Variants in SHISA6 observed in about 807,000 individuals in gnomAD.
SHISA6 encodes protein shisa-6.
SHISA6 carries 22 observed loss-of-function variants against 47.9 expected under a neutral mutation model. The observed-to-expected ratio is 0.46, with a 90% confidence interval of 0.33 to 0.66. The LOEUF (loss-of-function observed/expected upper bound fraction) is 0.66. Ranked by LOEUF, SHISA6 falls within the 30% of genes least tolerant of loss-of-function variation. The pLI is 0.02. For synonymous variants in SHISA6, 388 were observed against 337.8 expected, an observed-to-expected ratio of 1.15 and a Z score of -1.63; for missense variants, 680 against 764.6, an observed-to-expected ratio of 0.89 and a Z score of 1.30.
At chr17:11,331,105 C>T (rs1911091270) in intron 2 of SHISA6, among the ~76,000 whole-genome samples, 2 of 152,170 alleles carry the variant, frequency 1.3e-5, no homozygotes, top group African/African-American at 2.4e-5. Context: ...GAAACATCTG[C>T]GCAGTAACTC....
chr17:11,357,007 C>G (rs1243703157), intron 2 of SHISA6, among the ~76,000 whole-genome samples: 2 of 151,806 alleles, frequency 1.3e-5, no homozygotes, highest in African/African-American at 4.8e-5. Context: ...CCTGTCTGTA[C>G]TTAAAATACA....
chr17:11,485,923 A>G (rs553508579), intron 3 of SHISA6, among the ~76,000 whole-genome samples: 1 of 152,088 alleles, frequency 6.6e-6, no homozygotes, highest in Non-Finnish European at 1.5e-5. Context: ...TGCGACCATT[A>G]TGGAAATCTG....
chr17:11,417,445 C>T (rs1237591320), intron 3 of SHISA6, among the ~76,000 whole-genome samples: 2 of 152,156 alleles, frequency 1.3e-5, no homozygotes, highest in Non-Finnish European at 2.9e-5. Flanking sequence ...CGATAACCAG[C>T]TAGATGGTGT....
intron 2 of SHISA6, among the ~76,000 whole-genome samples, chr17:11,325,205 C>T (rs577462108): frequency 1.0e-3 from 158 of 152,274 alleles, no homozygotes; most frequent in African/African-American, 3.7e-3. Context: ...GGAGCAGGAG[C>T]AGGGATGCTG....
In SHISA6 at chr17:11,241,244, C is replaced by G. The variant is rs1284121370; in HGVS notation, c.-179C>G. On this transcript the variant is annotated 5_prime_UTR_variant, in exon 1 of 6. Coordinates refer to ENST00000441885, the MANE Select transcript of SHISA6 (RefSeq NM_207386.4). The surrounding 1 kb of genome is among the most constrained non-coding windows in gnomAD (Gnocchi z 5.5). Reference sequence around the variant, plus strand: ...CCGAGCAGCCCGCGCCGGGCCGGTCCGTGCGCACCGCGCGCCGCCGCCGCC... The same window carrying G: ...CCGAGCAGCCCGCGCCGGGCCGGTCGGTGCGCACCGCGCGCCGCCGCCGCC... 5.6e-6 allele frequency: 1 copy of G among 177,824 alleles called. No homozygotes were observed. Among genetic ancestry groups the G allele is most frequent in the Non-Finnish European group, 1.1e-5 (1 of 95,046 alleles). The allele number at this position is 177,824 out of a possible 1,614,324, so 11.0% of individuals were successfully genotyped here.
intron 3 of SHISA6, among the ~76,000 whole-genome samples, chr17:11,547,427 C>A (rs1234816218): frequency 1.3e-5 from 2 of 152,028 alleles, no homozygotes; most frequent in Non-Finnish European, 2.9e-5. Flanking sequence ...ACAAACAAAC[C>A]CAAACATTTT....
At chr17:11,459,235 A>G (rs1915639705) in intron 3 of SHISA6, among the ~76,000 whole-genome samples, 1 of 151,642 alleles carries the variant, frequency 6.6e-6, no homozygotes, top group Admixed American at 6.6e-5. Context: ...AAAAAAAAAA[A>G]AGACATTATG....
intron 3 of SHISA6, among the ~76,000 whole-genome samples, chr17:11,508,554 C>A (rs1412452990): frequency 3.1e-5 from 4 of 128,080 alleles, no homozygotes; most frequent in Non-Finnish European, 6.6e-5. Context: ...CCCTCCTCTC[C>A]CCTCCCCTCC....
chr17:11,246,938 T>C (rs993816657), intron 1 of SHISA6, among the ~76,000 whole-genome samples: 10 of 152,188 alleles, frequency 6.6e-5, no homozygotes, highest in Non-Finnish European at 5.9e-5. Flanking sequence ...ACTGTCTTCA[T>C]GTCCCTTCCT....
intron 3 of SHISA6, among the ~76,000 whole-genome samples, chr17:11,420,289 G>A (rs1567601103): frequency 6.6e-6 from 1 of 152,146 alleles, no homozygotes; most frequent in Non-Finnish European, 1.5e-5. Context: ...ACATTAAAGA[G>A]GCCATCAATC....
chr17:11,337,476 G>A (rs1177540776), intron 2 of SHISA6, among the ~76,000 whole-genome samples: 2 of 152,220 alleles, frequency 1.3e-5, no homozygotes, highest in Non-Finnish European at 2.9e-5. Flanking sequence ...GACACTTGAT[G>A]TGGGAGGCTG....
intron 3 of SHISA6, among the ~76,000 whole-genome samples, chr17:11,386,749 A>G (rs1011400563): frequency 1.3e-5 from 2 of 152,338 alleles, no homozygotes; most frequent in South Asian, 2.1e-4. Flanking sequence ...CAGGCCACAT[A>G]TGACAGATAG....
intron 2 of SHISA6, among the ~76,000 whole-genome samples, chr17:11,343,889 A>T (rs1307080167): frequency 6.6e-6 from 1 of 152,214 alleles, no homozygotes. Context: ...GGGTTTCACC[A>T]TGTTGGCCAG....
At chr17:11,432,786 T>C (rs1336322714) in intron 3 of SHISA6, among the ~76,000 whole-genome samples, 4 of 148,702 alleles carry the variant, frequency 2.7e-5, no homozygotes, top group Non-Finnish European at 4.5e-5. Context: ...AAGAAGCCAG[T>C]GTTGTATTAA....
chr17:11,406,396 C>A (rs374386299), intron 3 of SHISA6, among the ~76,000 whole-genome samples: 1 of 152,216 alleles, frequency 6.6e-6, no homozygotes. Flanking sequence ...TGTCTTAACT[C>A]GCCAGTCCTC....
rs927984254 is a variant in SHISA6 at position 11,558,896 on chromosome 17, CTG to C, written c.*593_*594del. ...GCCTGCTGGAACTCTCTGGTCCCCA[CTG>C]AGTGACCCTTCCTTTGCTGACCCCT... On this transcript the variant is annotated 3_prime_UTR_variant, in exon 6 of 6. Transcript: ENST00000441885. 6.5e-6 allele frequency: 1 copy of C among 154,968 alleles called. No individual in the cohort carries two copies. The highest frequency in any genetic ancestry group is 2.4e-5 in the African/African-American group (1 of 41,476). The allele number at this position is 154,968 out of a possible 1,614,324, so 9.6% of individuals were successfully genotyped here. A position where few individuals can be genotyped will look rare whatever the true frequency, so the allele number is the denominator to read the frequency against.
intron 3 of SHISA6, among the ~76,000 whole-genome samples, chr17:11,486,695 C>G (rs933608006): frequency 1.3e-5 from 2 of 152,194 alleles, no homozygotes; most frequent in Admixed American, 1.3e-4. Flanking sequence ...TTTCCGTCAT[C>G]CTTCATCTTT....
At chr17:11,344,914 C>A (rs1597467654) in intron 2 of SHISA6, among the ~76,000 whole-genome samples, 1 of 152,174 alleles carries the variant, frequency 6.6e-6, no homozygotes. Context: ...ATCCATTAAC[C>A]AGCCTCTCCT....
intron 2 of SHISA6, among the ~76,000 whole-genome samples, chr17:11,269,343 C>G (rs960943805): frequency 6.6e-6 from 1 of 152,040 alleles, no homozygotes; most frequent in Non-Finnish European, 1.5e-5. Flanking sequence ...CTTGGCCTGC[C>G]CAGGCTTCTT....
Sources: gnomAD v4.1 joint callset for allele counts (sites outside exome capture counted in the v4.1 genomes callset) on GRCh38, gnomAD v4.1.1 for gene constraint, Gnocchi (gnomAD v3.1) non-coding constraint, MANE v1.5 for transcripts, NCBI Gene and HGNC (gene_info 2026-07-23, HGNC 2026-07-21) for gene names.